Variants in AKR1C8 observed in about 807,000 individuals in gnomAD.
The protein encoded by AKR1C8 is aldo-keto reductase family 1 member C-like protein 1.
At chr10:5,162,716 G>C in the AKR1C8 span, 1 of 364,972 alleles carries the variant, frequency 2.7e-6, no homozygotes. Context: ...GAGTAAGAAA[G>C]TCTTTTCTGT....
the AKR1C8 span, among the ~76,000 whole-genome samples, chr10:5,120,142 G>A: frequency 2.0e-3 from 302 of 152,312 alleles, 3 homozygotes; most frequent in African/African-American, 6.9e-3. Context: ...AATAGCATGA[G>A]CGATCTGTGC....
the AKR1C8 span, among the ~76,000 whole-genome samples, chr10:5,120,479 C>T: frequency 6.6e-6 from 1 of 152,082 alleles, no homozygotes; most frequent in Non-Finnish European, 1.5e-5. Context: ...TATTTGTTTT[C>T]CTTTTCCCGT....
the AKR1C8 span, among the ~76,000 whole-genome samples, chr10:5,116,803 T>C: frequency 2.6e-5 from 4 of 151,672 alleles, no homozygotes; most frequent in South Asian, 4.2e-4. Context: ...TGCTTTTGGG[T>C]GGCCCCTGCG....
At chr10:5,122,556 C>T in the AKR1C8 span, among the ~76,000 whole-genome samples, 3 of 152,184 alleles carry the variant, frequency 2.0e-5, no homozygotes, top group African/African-American at 7.2e-5. Context: ...TTGATCCAGC[C>T]TTAGACTGAG....
At chr10:5,173,495 G>A in the AKR1C8 span, among the ~76,000 whole-genome samples, 50 of 151,910 alleles carry the variant, frequency 3.3e-4, 1 homozygote, top group Non-Finnish European at 2.9e-5. Flanking sequence ...CAGATGCAAA[G>A]GCATGAGAAT....
chr10:5,126,194 C>A, the AKR1C8 span, among the ~76,000 whole-genome samples: 1 of 152,098 alleles, frequency 6.6e-6, no homozygotes, highest in African/African-American at 2.4e-5. Flanking sequence ...GCAGACATAG[C>A]TAGGGCTTCT....
At chr10:5,168,991 C>T in the AKR1C8 span, among the ~76,000 whole-genome samples, 1 of 152,098 alleles carries the variant, frequency 6.6e-6, no homozygotes, top group East Asian at 1.9e-4. Context: ...GTGAAACCCA[C>T]CTCCCTATCT....
the AKR1C8 span, among the ~76,000 whole-genome samples, chr10:5,117,483 T>G: frequency 6.6e-6 from 1 of 152,262 alleles, no homozygotes; most frequent in South Asian, 2.1e-4. Flanking sequence ...TCACAAATGG[T>G]ATGTCTGTGA....
the AKR1C8 span, among the ~76,000 whole-genome samples, chr10:5,145,584 A>G: frequency 9.9e-5 from 15 of 152,170 alleles, no homozygotes; most frequent in African/African-American, 3.1e-4. Flanking sequence ...GCAGCCAAAA[A>G]ACACATGAAA....
chr10:5,123,908 G>A, the AKR1C8 span: 19 of 1,312,432 alleles, frequency 1.4e-5, no homozygotes, highest in Admixed American at 4.1e-4. Context: ...AAAAGGAGGT[G>A]AATAAATATG....
the AKR1C8 span, among the ~76,000 whole-genome samples, chr10:5,146,391 G>A: frequency 1.3e-5 from 2 of 152,008 alleles, no homozygotes; most frequent in African/African-American, 4.8e-5. Flanking sequence ...AATGTTGCTT[G>A]GTTGTAACTA....
chr10:5,184,470 T>A, the AKR1C8 span, among the ~76,000 whole-genome samples: 1 of 152,178 alleles, frequency 6.6e-6, no homozygotes, highest in Non-Finnish European at 1.5e-5. Flanking sequence ...TGGTTGAAAC[T>A]CTCTGGCAAA....
At chr10:5,167,962 T>C in the AKR1C8 span, among the ~76,000 whole-genome samples, 1 of 152,130 alleles carries the variant, frequency 6.6e-6, no homozygotes, top group Non-Finnish European at 1.5e-5. Context: ...TATTATGTTG[T>C]ATGCTACAGA....
chr10:5,181,489 C>T, the AKR1C8 span, among the ~76,000 whole-genome samples: 1 of 152,158 alleles, frequency 6.6e-6, no homozygotes, highest in Non-Finnish European at 1.5e-5. Flanking sequence ...CAAAATTAAA[C>T]TTGAGTTTCA....
chr10:5,161,846 A>G, the AKR1C8 span: 4 of 534,594 alleles, frequency 7.5e-6, no homozygotes, highest in Admixed American at 3.9e-5. Flanking sequence ...AAGGAAAAAC[A>G]AAAGCTGACC....
chr10:5,171,119 T>C, the AKR1C8 span, among the ~76,000 whole-genome samples: 2 of 152,262 alleles, frequency 1.3e-5, no homozygotes, highest in East Asian at 1.9e-4. Flanking sequence ...ACATTTTAGC[T>C]CTTTAAAAGT....
the AKR1C8 span, among the ~76,000 whole-genome samples, chr10:5,142,131 A>C: frequency 6.6e-6 from 1 of 152,054 alleles, no homozygotes; most frequent in Non-Finnish European, 1.5e-5. Context: ...GAAATGGCTT[A>C]TTTTATTCAA....
chr10:5,138,617 A>T, the AKR1C8 span, among the ~76,000 whole-genome samples: 7 of 152,194 alleles, frequency 4.6e-5, no homozygotes, highest in South Asian at 1.5e-3. Flanking sequence ...GGATTAAGAG[A>T]TTAAAGTAAA....
chr10:5,126,343 T>C, the AKR1C8 span, among the ~76,000 whole-genome samples: 375 of 152,234 alleles, frequency 2.5e-3, 1 homozygote, highest in African/African-American at 8.6e-3. Flanking sequence ...ACTTGTAACA[T>C]CAACATTTCT....
Sources: allele counts gnomAD v4.1 joint callset (sites outside exome capture counted in the v4.1 genomes callset), GRCh38; gene constraint gnomAD v4.1.1; transcripts MANE v1.5; gene names NCBI Gene and HGNC (gene_info 2026-07-23, HGNC 2026-07-21).